LRTM3: variants seen among roughly 807,000 people sequenced by gnomAD.
LRTM3 encodes leucine-rich repeat transmembrane protein 3.
the LRTM3 span, chr13:102,741,610 C>T: frequency 1.3e-6 from 2 of 1,550,468 alleles, no homozygotes; most frequent in Admixed American, 3.9e-5. Flanking sequence ...CCAGGTTTGT[C>T]ATAGAAATAT....
At chr13:102,734,733 A>C in the LRTM3 span, 3 of 1,551,100 alleles carry the variant, frequency 1.9e-6, no homozygotes, top group Admixed American at 2.0e-5. Context: ...TCATTACCTA[A>C]ATGTGTTTCT....
chr13:102,740,167 AT>A, the LRTM3 span: 1 of 1,547,812 alleles, frequency 6.5e-7, no homozygotes, highest in African/African-American at 1.4e-5. Context: ...TGGGTGAGCT[AT>A]TATTTGATAT....
At chr13:102,738,673 C>G in the LRTM3 span, 2 of 1,550,394 alleles carry the variant, frequency 1.3e-6, no homozygotes, top group Admixed American at 2.0e-5. Flanking sequence ...TATCTGATGA[C>G]TCTTGGAGAT....
At chr13:102,734,030 A>G in the LRTM3 span, 28 of 1,551,340 alleles carry the variant, frequency 1.8e-5, 1 homozygote, top group Admixed American at 5.1e-4. Context: ...TGCTGACGGT[A>G]TAGAAAGAAA....
At chr13:102,737,666 T>C in the LRTM3 span, 1 of 1,550,888 alleles carries the variant, frequency 6.4e-7, no homozygotes, top group Non-Finnish European at 8.7e-7. Context: ...AGCTGATATT[T>C]TTACTTCATC....
chr13:102,742,905 G>A, the LRTM3 span: 1 of 1,550,602 alleles, frequency 6.4e-7, no homozygotes, highest in Non-Finnish European at 8.7e-7. Context: ...GCCTCACTCA[G>A]TTCTGCACAA....
chr13:102,746,871 T>C, the LRTM3 span: 1 of 1,551,332 alleles, frequency 6.4e-7, no homozygotes, highest in Non-Finnish European at 8.7e-7. Flanking sequence ...GAATCTGCAG[T>C]GCATTTGCAG....
the LRTM3 span, chr13:102,731,204 A>G: frequency 6.4e-7 from 1 of 1,551,434 alleles, no homozygotes; most frequent in Non-Finnish European, 8.7e-7. Flanking sequence ...ATCAACAATC[A>G]GTGTCTTCAT....
chr13:102,742,551 C>A, the LRTM3 span: 1 of 1,550,576 alleles, frequency 6.4e-7, no homozygotes, highest in Non-Finnish European at 8.7e-7. Flanking sequence ...AACTCTTCTG[C>A]AACATTTATC....
chr13:102,735,483 T>G, the LRTM3 span: 93 of 1,551,252 alleles, frequency 6.0e-5, no homozygotes, highest in Non-Finnish European at 7.7e-5. Context: ...GTATTAATGC[T>G]TGGCAGTCCT....
the LRTM3 span, chr13:102,739,342 T>C: frequency 6.5e-7 from 1 of 1,549,614 alleles, no homozygotes; most frequent in South Asian, 1.2e-5. Flanking sequence ...GAAAACACTT[T>C]GATTCTATTA....
At chr13:102,743,633 G>T in the LRTM3 span, 2 of 1,550,368 alleles carry the variant, frequency 1.3e-6, no homozygotes, top group South Asian at 2.4e-5. Context: ...GAAAGTTGCA[G>T]GTGAGTTTTC....
chr13:102,749,105 T>C, the LRTM3 span: 60 of 1,549,668 alleles, frequency 3.9e-5, no homozygotes, highest in Non-Finnish European at 5.0e-5. Context: ...TTTCCTTTCA[T>C]GTAATTCTTT....
chr13:102,731,122 T>TA, the LRTM3 span: 2 of 1,551,412 alleles, frequency 1.3e-6, no homozygotes, highest in Non-Finnish European at 1.7e-6. Flanking sequence ...CAGAAGTCAC[T>TA]GCAGATGTTC....
the LRTM3 span, chr13:102,733,646 G>T: frequency 6.4e-7 from 1 of 1,551,332 alleles, no homozygotes; most frequent in South Asian, 1.2e-5. Context: ...TACAGGCTGA[G>T]CCTTTTTCCC....
the LRTM3 span, chr13:102,732,059 T>C: frequency 1.3e-6 from 2 of 1,551,396 alleles, no homozygotes; most frequent in Non-Finnish European, 1.7e-6. Flanking sequence ...TTGTTGTTTG[T>C]CCACTGCAAA....
chr13:102,743,011 G>A, the LRTM3 span: 1 of 1,544,704 alleles, frequency 6.5e-7, no homozygotes, highest in Non-Finnish European at 8.7e-7. Context: ...AATTCCCTTT[G>A]TAAATCTGAC....
the LRTM3 span, chr13:102,744,372 T>C: frequency 6.5e-7 from 1 of 1,550,254 alleles, no homozygotes; most frequent in Non-Finnish European, 8.7e-7. Context: ...TTCTCAGAAA[T>C]AGAACTATCC....
the LRTM3 span, chr13:102,746,957 A>G: frequency 6.4e-7 from 1 of 1,551,192 alleles, no homozygotes; most frequent in Non-Finnish European, 8.7e-7. Flanking sequence ...AACAGACTCA[A>G]TAATAGTTTC....
Sources: allele counts gnomAD v4.1 joint callset, GRCh38; gene constraint gnomAD v4.1.1; transcripts MANE v1.5; gene names NCBI Gene and HGNC (gene_info 2026-07-23, HGNC 2026-07-21).